The following DOCK4 variants were observed in gnomAD, a reference collection of about 807,000 sequenced individuals.
DOCK4 encodes the protein dedicator of cytokinesis 4.
In DOCK4, 97 loss-of-function variants were observed where a neutral mutation model predicts 268.1. The ratio of observed to expected loss-of-function variants is 0.36; its 90% CI spans 0.31 to 0.43. The LOEUF (loss-of-function observed/expected upper bound fraction) is 0.43. Ranked by LOEUF, DOCK4 falls within the 20% of genes least tolerant of loss-of-function variation. The pLI is 1.00. For synonymous variants in DOCK4, 954 were observed against 887.2 expected, an observed-to-expected ratio of 1.08 and a Z score of -1.34; for missense variants, 2,145 against 2,455.7, an observed-to-expected ratio of 0.87 and a Z score of 2.67.
At chr7:112,116,683 C>T (rs556042960) in intron 1 of DOCK4, among the ~76,000 whole-genome samples, 61 of 152,292 alleles carry the variant, frequency 4.0e-4, no homozygotes, top group African/African-American at 1.4e-3. Flanking sequence ...TTCTTTAGAC[C>T]AACTAAAGGA....
intron 1 of DOCK4, among the ~76,000 whole-genome samples, chr7:112,110,037 C>T (rs574252743): frequency 1.3e-5 from 2 of 152,282 alleles, no homozygotes; most frequent in African/African-American, 4.8e-5. Flanking sequence ...AGCCACCGCG[C>T]CCGGCCGTAA....
At chr7:111,890,380 C>T (rs749550124) in intron 16 of DOCK4, among the ~76,000 whole-genome samples, 1 of 152,016 alleles carries the variant, frequency 6.6e-6, no homozygotes, top group East Asian at 1.9e-4. Flanking sequence ...TGGTTATTAG[C>T]GAACTAGCAA....
intron 8 of DOCK4, among the ~76,000 whole-genome samples, chr7:111,958,296 T>C (rs1016700104): frequency 6.6e-5 from 10 of 152,178 alleles, no homozygotes; most frequent in African/African-American, 2.4e-4. Context: ...GAACTCATCA[T>C]TAACAATTCC....
At chr7:112,049,560 A>G (rs74880319) in intron 1 of DOCK4, among the ~76,000 whole-genome samples, 5,679 of 152,280 alleles carry the variant, frequency 0.037, 311 homozygotes, top group African/African-American at 0.12. Flanking sequence ...TTAAATGCCA[A>G]TCGGTGTAAA....
intron 21 of DOCK4, 106 bp from the exon 22 acceptor site, chr7:111,868,260 T>A: frequency 1.1e-6 from 1 of 876,540 alleles, no homozygotes; most frequent in Non-Finnish European, 1.7e-6. Context: ...TTTTACATTA[T>A]TCATGTAGAC....
intron 42 of DOCK4, among the ~76,000 whole-genome samples, chr7:111,752,394 TG>T (rs1158573647): frequency 6.6e-6 from 1 of 151,974 alleles, no homozygotes; most frequent in East Asian, 1.9e-4. Context: ...GCGCTATCGG[TG>T]GGGGCGCTGA....
At chr7:112,137,309 C>T (rs963978009) in intron 1 of DOCK4, among the ~76,000 whole-genome samples, 1 of 152,192 alleles carries the variant, frequency 6.6e-6, no homozygotes. Flanking sequence ...CCAGTCTCAG[C>T]ACCTGCACAA....
intron 12 of DOCK4, among the ~76,000 whole-genome samples, chr7:111,925,011 G>A (rs769433199): frequency 6.6e-5 from 10 of 152,058 alleles, no homozygotes; most frequent in Non-Finnish European, 1.3e-4. Flanking sequence ...TGAGGTATTA[G>A]CAAAACTTCC....
chr7:112,114,206 A>G (rs1013408828), intron 1 of DOCK4, among the ~76,000 whole-genome samples: 2 of 152,136 alleles, frequency 1.3e-5, no homozygotes, highest in Non-Finnish European at 2.9e-5. Flanking sequence ...AGCCTTCATG[A>G]CACGGTCATT....
chr7:111,884,169 T>A (rs1377505236), intron 16 of DOCK4, among the ~76,000 whole-genome samples: 1 of 152,196 alleles, frequency 6.6e-6, no homozygotes, highest in Non-Finnish European at 1.5e-5. Flanking sequence ...TATTGTTCCT[T>A]GAGGTTTTCA....
chr7:112,100,791 G>A (rs1017565505), intron 1 of DOCK4, among the ~76,000 whole-genome samples: 5 of 152,098 alleles, frequency 3.3e-5, no homozygotes, highest in Admixed American at 2.6e-4. Flanking sequence ...CAAAGATGAG[G>A]TCAGAAATTA....
intron 1 of DOCK4, among the ~76,000 whole-genome samples, chr7:112,078,180 C>T (rs1321007068): frequency 6.6e-6 from 1 of 152,070 alleles, no homozygotes; most frequent in Non-Finnish European, 1.5e-5. Context: ...GATTTTATCT[C>T]TCATGTTTTT....
chr7:111,730,205 A>G (rs1794985461), intron 52 of DOCK4, among the ~76,000 whole-genome samples: 1 of 152,210 alleles, frequency 6.6e-6, no homozygotes, highest in Non-Finnish European at 1.5e-5. Flanking sequence ...CTCTGTGAAA[A>G]GAGGGTTCCG....
intron 12 of DOCK4, among the ~76,000 whole-genome samples, chr7:111,918,771 C>T (rs993737057): frequency 6.6e-6 from 1 of 152,178 alleles, no homozygotes; most frequent in South Asian, 2.1e-4. Flanking sequence ...TACATGATAA[C>T]AGTTCTTCCT....
intron 27 of DOCK4, chr7:111,821,026 A>G (rs1484036349): frequency 6.8e-6 from 1 of 147,114 alleles, no homozygotes; most frequent in African/African-American, 2.7e-5. Context: ...AAAGAGAGCT[A>G]TTTCAACACT....
intron 41 of DOCK4, among the ~76,000 whole-genome samples, chr7:111,758,111 C>T (rs1057415745): frequency 1.1e-4 from 16 of 152,204 alleles, no homozygotes; most frequent in Non-Finnish European, 2.2e-4. Context: ...TAATTACACA[C>T]TGTTCTAACA....
chr7:111,740,905 G>A (rs1187957256), intron 47 of DOCK4, among the ~76,000 whole-genome samples, 189 bp downstream of exon 47: 1 of 151,984 alleles, frequency 6.6e-6, no homozygotes, highest in Non-Finnish European at 1.5e-5. Context: ...TAAAGCGATG[G>A]GGCAGTTTTA....
chr7:111,878,425 C>A (rs991276982), intron 16 of DOCK4, among the ~76,000 whole-genome samples: 3 of 152,184 alleles, frequency 2.0e-5, no homozygotes, highest in Non-Finnish European at 4.4e-5. Flanking sequence ...TTCTCCTGCG[C>A]CAACCCCAGA....
intron 4 of DOCK4, among the ~76,000 whole-genome samples, chr7:111,994,816 A>G (rs1364008998): frequency 1.3e-5 from 2 of 152,206 alleles, no homozygotes; most frequent in Non-Finnish European, 2.9e-5. Flanking sequence ...ATGTTATCAT[A>G]CAGCATAGAA....
Sources: allele counts gnomAD v4.1 joint callset (sites outside exome capture counted in the v4.1 genomes callset), GRCh38; gene constraint gnomAD v4.1.1; transcripts MANE v1.5; gene names NCBI Gene and HGNC (gene_info 2026-07-23, HGNC 2026-07-21).